The following MCM8 variants were observed in gnomAD, a reference collection of about 807,000 sequenced individuals.
MCM8 encodes minichromosome maintenance 8 homologous recombination repair factor, also known as DNA helicase MCM8.
A neutral mutation model predicts 98.9 loss-of-function variants in MCM8; 85 were observed. The ratio of observed to expected loss-of-function variants is 0.86; its 90% CI spans 0.72 to 1.03. MCM8 has a LOEUF of 1.03. Ranked by LOEUF, MCM8 falls within the 50% of genes least tolerant of loss-of-function variation. The pLI, the probability that MCM8 is intolerant of heterozygous loss-of-function variation, is 0.00. For missense variants in MCM8, 951 were observed against 997.8 expected, an observed-to-expected ratio of 0.95 and a Z score of 0.63; for synonymous variants, 352 against 338.6, an observed-to-expected ratio of 1.04 and a Z score of -0.44.
intron 15 of MCM8, among the ~76,000 whole-genome samples, 191 bp from the exon 16 acceptor site, chr20:5,985,731 A>G (rs2089718252): frequency 6.6e-6 from 1 of 151,984 alleles, no homozygotes; most frequent in Non-Finnish European, 1.5e-5. Flanking sequence ...TTTTTGGTAG[A>G]GATGGGGTTT....
At chr20:5,988,170 A>G (rs2089770705) in intron 17 of MCM8, among the ~76,000 whole-genome samples, 2 of 152,094 alleles carry the variant, frequency 1.3e-5, no homozygotes, top group South Asian at 2.1e-4. Flanking sequence ...CCAAAGTTCA[A>G]AAAGTATAGG....
chr20:5,951,893 C>G, intron 1 of MCM8, 118 bp from the exon 2 acceptor site: 1 of 1,157,042 alleles, frequency 8.6e-7, no homozygotes, highest in Non-Finnish European at 1.2e-6. Context: ...ACTTTGCAAG[C>G]CTGTTTGCTA....
chr20:5,987,558 C>T (rs916569848), intron 17 of MCM8, among the ~76,000 whole-genome samples, 200 bp downstream of exon 17: 5 of 151,872 alleles, frequency 3.3e-5, no homozygotes, highest in Non-Finnish European at 7.4e-5. Flanking sequence ...ATGAGTAATA[C>T]ATTTACATAG....
At chr20:5,988,870 GT>G (rs1444767065) in intron 17 of MCM8, among the ~76,000 whole-genome samples, 1 of 149,614 alleles carries the variant, frequency 6.7e-6, no homozygotes, top group Non-Finnish European at 1.5e-5. Context: ...TGCCCAGGTG[GT>G]TTTGCCCAGC....
rs1202470587 is a variant in MCM8, at chr20:5,998,810, TA to T, written c.*4421del. On this transcript the variant is annotated 3_prime_UTR_variant, in exon 19 of 19. Transcript: ENST00000610722. ...CACAAAACTACCTACTCGTTTTATT[TA>T]ACCCTCAGAAGAACTGAAAACAAAA... 6.6e-6 allele frequency: 1 copy of T among 152,174 alleles called. No individual in the cohort carries two copies. The highest frequency in any genetic ancestry group is 1.5e-5 in the Non-Finnish European group (1 of 68,028). 9.4% of individuals were successfully genotyped at this position (152,174 alleles called of 1,614,324 possible).
At position 5,984,842 on chromosome 20, in the gene MCM8, G is replaced by A. The variant is rs749397365; in HGVS notation, c.1795G>A (p.Glu599Lys). 2 of 1,614,028 alleles carry A rather than the reference G, an allele frequency of 1.2e-6. No homozygotes were observed. The highest frequency in any genetic ancestry group is 1.7e-6 in the Non-Finnish European group (2 of 1,179,978). The change falls in exon 15 of 19, where the codon GAG becomes AAG. Residue 599 changes from glutamate to lysine, a missense_variant. By Grantham distance (56) the Glu-to-Lys change is moderately conservative (BLOSUM62 1). Transcript: ENST00000610722. ...LVFILLDTPN[E>K]HHDHLLSEHV... ...CTTTATCCTGTTAGATACTCCAAAT[G>A]AGCATCATGATCACTTACTCTCTGA...
chr20:5,965,647 A>G (rs770895052), intron 8 of MCM8: 1 of 152,148 alleles, frequency 6.6e-6, no homozygotes, highest in Non-Finnish European at 1.5e-5. Context: ...TCAAGCATCA[A>G]ATTATCTTTT....
chr20:5,974,375 G>A (rs567364306), intron 12 of MCM8, among the ~76,000 whole-genome samples: 2 of 152,196 alleles, frequency 1.3e-5, no homozygotes, highest in Admixed American at 1.3e-4. Flanking sequence ...AGATCCACCT[G>A]CCTTAGCCTT....
At chr20:5,964,584 A>G (rs962378003) in intron 8 of MCM8, 6 of 152,154 alleles carry the variant, frequency 3.9e-5, no homozygotes, top group African/African-American at 1.4e-4. Context: ...ATTCACAGTC[A>G]CTTACAGATC....
At chr20:5,984,247 G>C (rs1049119930) in intron 14 of MCM8, among the ~76,000 whole-genome samples, 2 of 152,090 alleles carry the variant, frequency 1.3e-5, no homozygotes, top group African/African-American at 4.8e-5. Context: ...GTTTAATAAT[G>C]TATCAATATA....
chr20:5,989,206 C>G (rs887317330), intron 17 of MCM8, among the ~76,000 whole-genome samples: 1 of 148,508 alleles, frequency 6.7e-6, no homozygotes, highest in Non-Finnish European at 1.5e-5. Flanking sequence ...AGCCTGCGCC[C>G]CCTGGGTTCA....
At chr20:5,978,986 G>A (rs917890316) in intron 13 of MCM8, among the ~76,000 whole-genome samples, 2 of 152,144 alleles carry the variant, frequency 1.3e-5, no homozygotes, top group Non-Finnish European at 2.9e-5. Context: ...TCTACATTGG[G>A]CTTTGTCACC....
intron 4 of MCM8, 27 bp from the exon 5 acceptor site, chr20:5,955,075 T>C (rs773991983): frequency 9.3e-6 from 14 of 1,511,190 alleles, no homozygotes; most frequent in Non-Finnish European, 1.3e-5. Context: ...AAAGCAATTA[T>C]TGTTTTCATA....
chr20:5,983,253 A>T lies in MCM8; in HGVS notation c.1733+88A>T. 12 of 1,109,136 alleles carry T rather than the reference A, an allele frequency of 1.1e-5. No homozygotes were observed. In the South Asian group the frequency reaches 2.0e-4, roughly 19 times the overall value. 68.7% of individuals were successfully genotyped at this position (1,109,136 alleles called of 1,614,324 possible). Reference sequence around the variant, plus strand: ...GAAATAGTTCACAGAACTACAGGGGAAAAACATGGATATTTCACAGAAGTT... The same window carrying T: ...GAAATAGTTCACAGAACTACAGGGGTAAAACATGGATATTTCACAGAAGTT... On this transcript the variant is annotated intron_variant, in intron 14 of 18. Coordinates refer to ENST00000610722, the MANE Select transcript of MCM8 (RefSeq NM_032485.6).
chr20:5,986,939 C>A (rs1278180330), intron 16 of MCM8, among the ~76,000 whole-genome samples: 5 of 152,184 alleles, frequency 3.3e-5, no homozygotes, highest in Non-Finnish European at 7.4e-5. Flanking sequence ...GATCCTCCCA[C>A]CTCAGCTTCC....
At chr20:5,983,232 TAG>T (rs2089665493) in intron 14 of MCM8, 67 bp downstream of exon 14, 1 of 1,335,848 alleles carries the variant, frequency 7.5e-7, no homozygotes, top group Non-Finnish European at 1.0e-6. Context: ...GAAAAAGAAA[TAG>T]TTCACAGAAC....
chr20:5,980,219 A>C (rs1468122062), intron 13 of MCM8, among the ~76,000 whole-genome samples: 2 of 151,932 alleles, frequency 1.3e-5, no homozygotes, highest in Non-Finnish European at 2.9e-5. Context: ...TCCTTACCCT[A>C]ATCTACTTTT....
intron 13 of MCM8, among the ~76,000 whole-genome samples, chr20:5,980,353 C>T (rs1410003602): frequency 6.6e-6 from 1 of 152,062 alleles, no homozygotes. Flanking sequence ...CCATACTCGG[C>T]ATTCCTAGAA....
intron 16 of MCM8, among the ~76,000 whole-genome samples, chr20:5,986,752 C>T (rs373007642): frequency 3.3e-5 from 5 of 152,152 alleles, no homozygotes; most frequent in Non-Finnish European, 4.4e-5. Flanking sequence ...CAGAAATATA[C>T]GTTAACAAGT....
Sources: allele counts gnomAD v4.1 joint callset (sites outside exome capture counted in the v4.1 genomes callset), GRCh38; gene constraint gnomAD v4.1.1; transcripts MANE v1.5; gene names NCBI Gene and HGNC (gene_info 2026-07-23, HGNC 2026-07-21).